Variants in DIAPH2 observed in about 807,000 individuals in gnomAD.
DIAPH2 encodes diaphanous related formin 2.
In DIAPH2, 35 loss-of-function variants were observed where a neutral mutation model predicts 92.7. The observed-to-expected ratio is 0.38, with a 90% confidence interval of 0.29 to 0.50. DIAPH2 has a LOEUF of 0.50. DIAPH2 is among the 20% of genes least tolerant of loss of function. The pLI, the probability that DIAPH2 is intolerant of heterozygous loss-of-function variation, is 0.94. For synonymous variants in DIAPH2, 301 were observed against 280.4 expected (o/e 1.07, Z -0.73); for missense variants, 701 against 819.5 (o/e 0.86, Z 1.77).
At chrX:97,392,441 C>T (rs148503842) in intron 25 of DIAPH2, among the ~76,000 whole-genome samples, 90 of 111,689 alleles carry the variant, frequency 8.1e-4, no homozygotes, top group African/African-American at 2.9e-3. Flanking sequence ...TGTGCTGATA[C>T]ATAATAGAGA....
intron 26 of DIAPH2, among the ~76,000 whole-genome samples, chrX:97,520,308 T>A (rs1801453405): frequency 8.9e-6 from 1 of 112,344 alleles, no homozygotes; most frequent in African/African-American, 3.2e-5. Context: ...TTTTATCATA[T>A]TTTTCTTTAA....
chrX:97,003,557 G>A (rs1350194959), intron 17 of DIAPH2, among the ~76,000 whole-genome samples: 1 of 112,109 alleles, frequency 8.9e-6, no homozygotes, highest in East Asian at 2.8e-4. Context: ...GATGATCAAT[G>A]ATATTGAGCA....
At chrX:97,356,734 C>G (rs1326795845) in intron 24 of DIAPH2, among the ~76,000 whole-genome samples, 1 of 110,380 alleles carries the variant, frequency 9.1e-6, no homozygotes, top group African/African-American at 3.3e-5. Context: ...TCATAGGGAA[C>G]TAAAGGAATA....
At chrX:96,883,126 T>C (rs953517900) in intron 5 of DIAPH2, among the ~76,000 whole-genome samples, 1 of 110,852 alleles carries the variant, frequency 9.0e-6, no homozygotes, top group African/African-American at 3.3e-5. Context: ...CTTGTACTTT[T>C]CTGTCCTGTC....
chrX:97,594,559 C>T, intron 26 of DIAPH2, among the ~76,000 whole-genome samples: 1 of 112,614 alleles, frequency 8.9e-6, no homozygotes, highest in East Asian at 2.8e-4. Flanking sequence ...GTTTCCTTAG[C>T]CTAAGCTGCA....
chrX:96,957,870 G>A lies in DIAPH2; in HGVS notation c.1657G>A (p.Ala553Thr). 2.5e-6 allele frequency: 3 copies of A among 1,210,634 alleles called. No individual in the cohort carries two copies. Among genetic ancestry groups the A allele is most frequent in the Non-Finnish European group, 3.4e-6 (3 of 895,125 alleles). ...TTCATCAGGAATTCCAGGTCCTCCT[G>A]CAGCACCTCCATTGCCAGGTGTAGG... ...SSSSGIPGPP[A>T]APPLPGVGPP... Residue 553 changes from alanine to threonine, a missense_variant, in exon 16 of 27, where the codon GCA becomes ACA. Coordinates refer to ENST00000324765, the MANE Select transcript of DIAPH2 (RefSeq NM_006729.5).
At chrX:97,257,761 A>C (rs1405913540) in intron 23 of DIAPH2, among the ~76,000 whole-genome samples, 2 of 111,548 alleles carry the variant, frequency 1.8e-5, no homozygotes, top group Non-Finnish European at 3.8e-5. Flanking sequence ...AATTGAAAAA[A>C]TCATACTTGG....
chrX:96,815,296 A>C (rs1190557406), intron 4 of DIAPH2, among the ~76,000 whole-genome samples: 1 of 111,869 alleles, frequency 8.9e-6, no homozygotes, highest in Non-Finnish European at 1.9e-5. Flanking sequence ...CTGTGCTAGC[A>C]GTGAGCAAGG....
At chrX:96,760,489 T>C (rs765764846) in intron 4 of DIAPH2, among the ~76,000 whole-genome samples, 2 of 111,125 alleles carry the variant, frequency 1.8e-5, no homozygotes, top group Non-Finnish European at 3.8e-5. Context: ...TATAGTCACA[T>C]GTAAAACATG....
chrX:97,293,689 G>A (rs1227852242), intron 23 of DIAPH2, among the ~76,000 whole-genome samples: 7 of 111,603 alleles, frequency 6.3e-5, no homozygotes, highest in Non-Finnish European at 1.3e-4. Flanking sequence ...TATTTTTATA[G>A]ACTCACTATG....
At position 97,016,369 on chromosome X, in the gene DIAPH2, T is replaced by C. The variant is rs778963430; in HGVS notation, c.2050+51162T>C. Reference sequence around the variant, plus strand: ...GGAAGTATTGAAAGTCACTCATTGTTGATCTTTTATATTGGAATGCCAAGG... The same window carrying C: ...GGAAGTATTGAAAGTCACTCATTGTCGATCTTTTATATTGGAATGCCAAGG... On this transcript the variant is annotated intron_variant, in intron 17 of 26. Coordinates refer to ENST00000324765, the MANE Select transcript of DIAPH2 (RefSeq NM_006729.5). Among the ~76,000 whole-genome samples, 5 of 112,325 alleles carry C rather than the reference T, an allele frequency of 4.5e-5. No homozygotes were observed. The East Asian group carries it at 1.4e-3, about 31-fold the overall frequency.
At chrX:97,141,958 A>G (rs1357162494) in intron 22 of DIAPH2, among the ~76,000 whole-genome samples, 164 bp downstream of exon 22, 1 of 112,350 alleles carries the variant, frequency 8.9e-6, no homozygotes, top group Non-Finnish European at 1.9e-5. Context: ...ACAGCATACT[A>G]CATTTTAATA....
chrX:97,442,157 C>CTT (rs1416094944), intron 26 of DIAPH2: 1 of 112,954 alleles, frequency 8.9e-6, no homozygotes, highest in South Asian at 3.6e-4. Flanking sequence ...TTCTAGTTGA[C>CTT]TTTTATGAGA....
chrX:97,288,218 T>C, intron 23 of DIAPH2, among the ~76,000 whole-genome samples: 1 of 111,469 alleles, frequency 9.0e-6, no homozygotes, highest in East Asian at 2.8e-4. Context: ...GTTGCTACTT[T>C]ATAATTCTGT....
chrX:96,871,957 G>T (rs1040851997), intron 4 of DIAPH2, among the ~76,000 whole-genome samples: 1 of 111,897 alleles, frequency 8.9e-6, no homozygotes, highest in African/African-American at 3.3e-5. Flanking sequence ...CCTTCCCAGG[G>T]CATTATGGTG....
chrX:97,157,320 AATAATAATAATAAT>A (rs767144150), intron 22 of DIAPH2, among the ~76,000 whole-genome samples: 1,233 of 77,201 alleles, frequency 0.016, 7 homozygotes, highest in South Asian at 0.028. Flanking sequence ...ATCTCAAAAT[AATAATAATAATAAT>A]ATAATAATAA....
In DIAPH2 at chrX:96,738,666, C is replaced by T. The variant is rs20373; in HGVS notation, c.246C>T (p.Val82=). 3.2e-4 allele frequency: 387 copies of T among 1,204,834 alleles called. No individual in the cohort carries two copies. Among genetic ancestry groups the T allele is most frequent in the Non-Finnish European group, 4.1e-4 (369 of 891,750 alleles). ...TTCAACATCCTATTGATTCTCAAGTCGCGATGAGTGAGTTTCCTGCAGCTC... is the reference window on the plus strand; with the variant it reads ...TTCAACATCCTATTGATTCTCAAGTTGCGATGAGTGAGTTTCCTGCAGCTC... ...PLIQHPIDSQ[V]AMSEFPAAQP... The change falls in exon 3 of 27, where the codon GTC becomes GTT. Residue 82 remains valine (V), a synonymous_variant. Transcript: ENST00000324765.
chrX:97,541,297 CT>C (rs1449115148), intron 26 of DIAPH2, among the ~76,000 whole-genome samples: 1 of 111,856 alleles, frequency 8.9e-6, no homozygotes, highest in African/African-American at 3.2e-5. Flanking sequence ...CACTTGTTCA[CT>C]GCAGCATTTG....
chrX:97,598,733 T>C (rs758776583), intron 26 of DIAPH2, among the ~76,000 whole-genome samples: 2 of 111,884 alleles, frequency 1.8e-5, no homozygotes, highest in East Asian at 5.6e-4. Context: ...CTATATAATA[T>C]ATTGAATTTT....
Sources: gnomAD v4.1 joint callset for allele counts (sites outside exome capture counted in the v4.1 genomes callset) on GRCh38, gnomAD v4.1.1 for gene constraint, MANE v1.5 for transcripts, NCBI Gene and HGNC (gene_info 2026-07-23, HGNC 2026-07-21) for gene names.